Variants in TRPC7 observed in about 807,000 individuals in gnomAD.
TRPC7 encodes the protein transient receptor potential cation channel subfamily C member 7, also known as short transient receptor potential channel 7.
A neutral mutation model predicts 90.1 loss-of-function variants in TRPC7; 42 were observed. The ratio of observed to expected loss-of-function variants is 0.47; its 90% CI spans 0.36 to 0.60. TRPC7 has a LOEUF of 0.60. Among genes scored for constraint, TRPC7 ranks in the 20% least tolerant of loss-of-function variants. The probability of loss-of-function intolerance (pLI) is 0.00; values close to 1 mark genes in which losing one functional copy is unlikely to be tolerated. For synonymous variants in TRPC7, 451 were observed against 436.3 expected (o/e 1.03, Z -0.42); for missense variants, 955 against 1,112.3 (o/e 0.86, Z 2.01).
At chr5:136,231,096 A>G (rs1359937302) in intron 8 of TRPC7, among the ~76,000 whole-genome samples, 1 of 152,190 alleles carries the variant, frequency 6.6e-6, no homozygotes, top group African/African-American at 2.4e-5. Context: ...TGAGAAGACA[A>G]GTGTAAAAGA....
intron 3 of TRPC7, among the ~76,000 whole-genome samples, chr5:136,293,477 G>A (rs1259682151): frequency 1.3e-5 from 2 of 152,166 alleles, no homozygotes; most frequent in African/African-American, 4.8e-5. Flanking sequence ...AAAATCACAA[G>A]CATTCTTATA....
chr5:136,305,451 C>T (rs1758582923), intron 3 of TRPC7, among the ~76,000 whole-genome samples: 2 of 152,278 alleles, frequency 1.3e-5, no homozygotes, highest in South Asian at 4.1e-4. Context: ...TGCTATTCTA[C>T]TACTCCTCAG....
At chr5:136,276,568 T>C (rs1319333840) in intron 3 of TRPC7, among the ~76,000 whole-genome samples, 2 of 152,226 alleles carry the variant, frequency 1.3e-5, no homozygotes, top group African/African-American at 4.8e-5. Context: ...CAAACTATCT[T>C]TGAGGACATT....
chr5:136,315,539 C>A (rs1182952779), intron 3 of TRPC7, 58 bp downstream of exon 3: 25 of 1,577,990 alleles, frequency 1.6e-5, no homozygotes, highest in Non-Finnish European at 2.2e-5. Flanking sequence ...AAAAGCAAGG[C>A]CAGCAGCCCC....
chr5:136,310,942 T>C (rs1758806977), intron 3 of TRPC7, among the ~76,000 whole-genome samples: 1 of 152,168 alleles, frequency 6.6e-6, no homozygotes, highest in African/African-American at 2.4e-5. Context: ...TTGCTGGTGA[T>C]ACAGCCATGC....
Position 136,225,348 on chromosome 5 carries a change from G to A in TRPC7, c.2269C>T (p.Arg757Cys), listed in dbSNP as rs369107882. 26 of 1,612,142 alleles carry A rather than the reference G, an allele frequency of 1.6e-5. No individual in the cohort carries two copies. In the African/African-American group the frequency reaches 2.4e-4, roughly 15 times the overall value. ...GAATTCCTCATGCCAGCCTGGTAGC[G>A]AGTCTTCTGGATAAAACAAACAAAC... ...GMLNSKFKKT[R>C]YQAGMRNSEN... Residue 757 changes from arginine (R) to cysteine (C), a missense_variant, in exon 10 of 12, where the codon CGC (arginine) becomes TGC (cysteine). This residue lies in a region of TRPC7 where 296 missense variants were observed against 422.7 expected (regional missense o/e 0.70). Transcript: ENST00000513104.
At chr5:136,215,384 TC>T (rs1755230900) in intron 11 of TRPC7, among the ~76,000 whole-genome samples, 1 of 152,184 alleles carries the variant, frequency 6.6e-6, no homozygotes, top group African/African-American at 2.4e-5. Context: ...TCCCTGATGT[TC>T]TGCCTGTGGG....
chr5:136,303,082 G>A (rs1024038082), intron 3 of TRPC7, among the ~76,000 whole-genome samples: 5 of 152,080 alleles, frequency 3.3e-5, no homozygotes, highest in African/African-American at 1.2e-4. Context: ...TTCATTCCGT[G>A]ACTAGCCCTC....
intron 8 of TRPC7, among the ~76,000 whole-genome samples, chr5:136,228,771 T>A (rs546552619): frequency 6.6e-6 from 1 of 152,284 alleles, no homozygotes; most frequent in East Asian, 1.9e-4. Flanking sequence ...CTACATGTGA[T>A]CATGAACGCC....
intron 3 of TRPC7, among the ~76,000 whole-genome samples, chr5:136,303,555 T>C (rs915806859): frequency 3.3e-5 from 5 of 151,996 alleles, no homozygotes; most frequent in African/African-American, 1.2e-4. Context: ...CAGGCATTCC[T>C]CCAGAACCTC....
Position 136,213,225 on chromosome 5 carries a change from C to G in TRPC7, c.*210G>C. The G allele has an allele frequency of 1.7e-6, 1 of 575,744 alleles. No homozygotes were observed. The highest frequency in any genetic ancestry group is 3.1e-6 in the Non-Finnish European group (1 of 327,432). The allele number at this position is 575,744 out of a possible 1,614,324, so 35.7% of individuals were successfully genotyped here. Reference sequence around the variant, plus strand: ...CTCCCCTCCTCCCATGGTAGCTTTTCTTACCCAACCACCTAGATTCACAGC... The same window carrying G: ...CTCCCCTCCTCCCATGGTAGCTTTTGTTACCCAACCACCTAGATTCACAGC... On this transcript the variant is annotated 3_prime_UTR_variant, in exon 12 of 12. Coordinates refer to ENST00000513104, the MANE Select transcript of TRPC7 (RefSeq NM_020389.3).
intron 1 of TRPC7, among the ~76,000 whole-genome samples, chr5:136,362,295 A>G (rs1362597798): frequency 6.6e-6 from 1 of 152,180 alleles, no homozygotes; most frequent in East Asian, 1.9e-4. Context: ...CATGCTGAGT[A>G]ATTTATGTAC....
At chr5:136,362,942 G>T (rs1358273340) in intron 1 of TRPC7, among the ~76,000 whole-genome samples, 1 of 152,042 alleles carries the variant, frequency 6.6e-6, no homozygotes, top group African/African-American at 2.4e-5. Flanking sequence ...TTTGAATCTG[G>T]GTTGATCATT....
intron 2 of TRPC7, among the ~76,000 whole-genome samples, chr5:136,345,451 C>T (rs1759975700): frequency 6.6e-6 from 1 of 152,028 alleles, no homozygotes; most frequent in Admixed American, 6.6e-5. Context: ...ATCCTAGCTA[C>T]TTGGGAGGCT....
intron 1 of TRPC7, among the ~76,000 whole-genome samples, chr5:136,362,633 C>T (rs984627217): frequency 3.9e-5 from 6 of 152,070 alleles, no homozygotes; most frequent in Admixed American, 1.3e-4. Flanking sequence ...ACCACTTTTC[C>T]GAAGCTACAC....
At chr5:136,301,887 G>C (rs758920117) in intron 3 of TRPC7, among the ~76,000 whole-genome samples, 3 of 152,156 alleles carry the variant, frequency 2.0e-5, no homozygotes, top group African/African-American at 7.2e-5. Context: ...TCAATCCCCC[G>C]TCTTCCTGCT....
In TRPC7 at chr5:136,356,850, C is replaced by T. The variant is rs1217066417; in HGVS notation, c.538G>A (p.Val180Met). 1.2e-6 allele frequency: 2 copies of T among 1,613,856 alleles called. No homozygotes were observed. The highest frequency in any genetic ancestry group is 1.3e-5 in the African/African-American group (1 of 75,050). Reference sequence around the variant, plus strand: ...GCGCCCTTGAGCAGCAGGATGTGCACGATCTCATACTCCTGGCAGTGCGCC... The same window carrying T: ...GCGCCCTTGAGCAGCAGGATGTGCATGATCTCATACTCCTGGCAGTGCGCC... Reference protein sequence around the residue: ...LAAHCQEYEIVHILLLKGARI... With the variant: ...LAAHCQEYEIMHILLLKGARI... Residue 180 changes from valine (V) to methionine (M), a missense_variant, in exon 2 of 12, where the codon GTG becomes ATG. This residue lies in a region of TRPC7 where 484 missense variants were observed against 509.6 expected (regional missense o/e 0.95). Transcript: ENST00000513104.
intron 1 of TRPC7, among the ~76,000 whole-genome samples, chr5:136,364,178 G>A (rs935363674): frequency 6.6e-5 from 10 of 152,176 alleles, no homozygotes; most frequent in African/African-American, 2.2e-4. Flanking sequence ...CCAAGATACC[G>A]CATGCATTCT....
intron 9 of TRPC7, 109 bp from the exon 10 acceptor site, chr5:136,225,463 G>A (rs757127043): frequency 2.8e-4 from 306 of 1,093,796 alleles, no homozygotes; most frequent in Non-Finnish European, 3.7e-4. Flanking sequence ...TCTCAGTGAA[G>A]CAGCTTTTGA....
Sources: gnomAD v4.1 joint callset for allele counts (sites outside exome capture counted in the v4.1 genomes callset) on GRCh38, gnomAD v4.1.1 for gene constraint, gnomAD v4.1.1 regional missense constraint, MANE v1.5 for transcripts, NCBI Gene and HGNC (gene_info 2026-07-23, HGNC 2026-07-21) for gene names.